The following CNTNAP5 variants were observed in gnomAD, a reference collection of about 807,000 sequenced individuals.
CNTNAP5 encodes the protein contactin-associated protein-like 5.
CNTNAP5 carries 72 observed loss-of-function variants against 150.2 expected under a neutral mutation model. The ratio of observed to expected loss-of-function variants is 0.48; its 90% CI spans 0.40 to 0.58. The LOEUF (loss-of-function observed/expected upper bound fraction) is 0.58, where lower values mean the gene tolerates loss of function less well. Ranked by LOEUF, CNTNAP5 falls within the 20% of genes least tolerant of loss-of-function variation. The probability of loss-of-function intolerance (pLI) is 0.00; values close to 1 mark genes in which losing one functional copy is unlikely to be tolerated. For synonymous variants in CNTNAP5, 672 were observed against 619.8 expected, an observed-to-expected ratio of 1.08 and a Z score of -1.25; for missense variants, 1,636 against 1,626.2, an observed-to-expected ratio of 1.01 and a Z score of -0.10.
chr2:124,889,529 A>G (rs935579491), intron 21 of CNTNAP5, among the ~76,000 whole-genome samples: 1 of 152,074 alleles, frequency 6.6e-6, no homozygotes, highest in African/African-American at 2.4e-5. Context: ...GGATTCTTAA[A>G]TATAGCATTT....
At chr2:124,087,416 C>A (rs1336279532) in intron 1 of CNTNAP5, among the ~76,000 whole-genome samples, 1 of 151,674 alleles carries the variant, frequency 6.6e-6, no homozygotes, top group African/African-American at 2.4e-5. Flanking sequence ...TTTAAAATTC[C>A]CTCTTTACAC....
chr2:124,341,521 C>A (rs1250270542), intron 3 of CNTNAP5, among the ~76,000 whole-genome samples: 1 of 152,096 alleles, frequency 6.6e-6, no homozygotes, highest in Non-Finnish European at 1.5e-5. Flanking sequence ...ATTAAACAAG[C>A]CTTCCATTTC....
In CNTNAP5 at chr2:124,654,793, G is replaced by A. The variant is rs1261171882; in HGVS notation, c.2077+6835G>A. On this transcript the variant is annotated intron_variant, in intron 13 of 23. Coordinates refer to ENST00000682447, the MANE Select transcript of CNTNAP5 (RefSeq NM_001367498.1). Reference sequence around the variant, plus strand: ...CCACCCCCCGCCTCCACAGACACACGCCTAAACATACACAAATATGTGGGT... The same window carrying A: ...CCACCCCCCGCCTCCACAGACACACACCTAAACATACACAAATATGTGGGT... Among the ~76,000 whole-genome samples, 8 of 151,386 alleles carry A rather than the reference G, an allele frequency of 5.3e-5. No individual in the cohort carries two copies. The East Asian group carries it at 1.4e-3, about 26-fold the overall frequency.
At chr2:124,455,400 A>T (rs1199673989) in intron 6 of CNTNAP5, among the ~76,000 whole-genome samples, 3 of 152,162 alleles carry the variant, frequency 2.0e-5, no homozygotes, top group African/African-American at 7.2e-5. Context: ...ATATTGAAAT[A>T]GTAATCAAAA....
At position 124,269,534 on chromosome 2, in the gene CNTNAP5, C is replaced by T. The variant is rs777248112; in HGVS notation, c.381+27141C>T. Reference sequence around the variant, plus strand: ...TTGGGACACTTTGTGCCTGCAATCGCTGGGAGAGAACAGCCATGATAAGCA... The same window carrying T: ...TTGGGACACTTTGTGCCTGCAATCGTTGGGAGAGAACAGCCATGATAAGCA... On this transcript the variant is annotated intron_variant, in intron 3 of 23. Transcript: ENST00000682447. Among the ~76,000 whole-genome samples the T allele has an allele frequency of 3.9e-4, 59 of 152,102 alleles. 1 individual carries two copies. The highest frequency in any genetic ancestry group is 4.1e-4 in the South Asian group (2 of 4,824).
At chr2:124,525,285 A>C (rs988563336) in intron 9 of CNTNAP5, among the ~76,000 whole-genome samples, 2 of 152,246 alleles carry the variant, frequency 1.3e-5, no homozygotes, top group Non-Finnish European at 2.9e-5. Flanking sequence ...AGATACTTAT[A>C]GTCCCTAAAC....
chr2:124,028,078 T>G (rs1003533135), intron 1 of CNTNAP5, among the ~76,000 whole-genome samples: 2 of 152,178 alleles, frequency 1.3e-5, no homozygotes, highest in East Asian at 3.8e-4. Flanking sequence ...AGTCACTTTA[T>G]AAAAGTTTAT....
In CNTNAP5 at chr2:124,639,317, A is replaced by T. The variant is rs547609855; in HGVS notation, c.1877-8441A>T. On this transcript the variant is annotated intron_variant, in intron 12 of 23. Coordinates refer to ENST00000682447, the MANE Select transcript of CNTNAP5 (RefSeq NM_001367498.1). ...ATCACACAATCTCATTCATCTTGTG[A>T]TGAGCTCCAGAGTAGAGATGTCAGC... 1.1e-4 allele frequency among the ~76,000 whole-genome samples: 17 copies of T among 152,306 alleles called. No homozygotes were observed. The South Asian group carries it at 3.5e-3, about 32-fold the overall frequency.
chr2:124,275,189 G>A (rs1324949924), intron 3 of CNTNAP5, among the ~76,000 whole-genome samples: 1 of 152,146 alleles, frequency 6.6e-6, no homozygotes, highest in Non-Finnish European at 1.5e-5. Context: ...TCCCTCCCAT[G>A]ACATGTGTCA....
At chr2:124,890,701 A>G (rs547848448) in intron 21 of CNTNAP5, among the ~76,000 whole-genome samples, 1 of 152,282 alleles carries the variant, frequency 6.6e-6, no homozygotes, top group East Asian at 1.9e-4. Context: ...CATATAAGGC[A>G]GAAACCCCAT....
chr2:124,826,778 C>T (rs562520813), intron 19 of CNTNAP5, among the ~76,000 whole-genome samples: 40 of 152,280 alleles, frequency 2.6e-4, no homozygotes, highest in Admixed American at 9.2e-4. Flanking sequence ...TTCTGAAACA[C>T]CCCTGAGATA....
intron 1 of CNTNAP5, among the ~76,000 whole-genome samples, chr2:124,074,196 G>A (rs1196903107): frequency 3.9e-5 from 6 of 152,036 alleles, no homozygotes; most frequent in Non-Finnish European, 5.9e-5. Context: ...GCTGGGAAGG[G>A]TAGTGGGGAT....
At chr2:124,519,066 GA>G (rs942939465) in intron 8 of CNTNAP5, among the ~76,000 whole-genome samples, 12 of 148,720 alleles carry the variant, frequency 8.1e-5, no homozygotes, top group Non-Finnish European at 1.5e-4. Context: ...TTATGCTAAG[GA>G]AAAAATGCCA....
At chr2:124,311,772 C>A (rs1016816057) in intron 3 of CNTNAP5, among the ~76,000 whole-genome samples, 1 of 152,178 alleles carries the variant, frequency 6.6e-6, no homozygotes, top group Admixed American at 6.5e-5. Flanking sequence ...TTGCTAATAG[C>A]TGTCTATATG....
In CNTNAP5 at chr2:124,798,213, C is replaced by T; in HGVS notation, c.3110C>T (p.Ser1037Phe). Reference sequence around the variant, plus strand: ...GCTATTTACACAGATTCAGCTCCATCCAAGGAAAACATTGCACTTAGCTTT... The same window carrying T: ...GCTATTTACACAGATTCAGCTCCATTCAAGGAAAACATTGCACTTAGCTTT... ...SSAIYTDSAP[S>F]KENIALSFVT... The change falls in exon 19 of 24, where the codon TCC becomes TTC. Residue 1037 changes from serine to phenylalanine, a missense_variant. Coordinates refer to ENST00000682447, the MANE Select transcript of CNTNAP5 (RefSeq NM_001367498.1). 6.2e-7 allele frequency: 1 copy of T among 1,613,836 alleles called. No individual in the cohort carries two copies. Among genetic ancestry groups the T allele is most frequent in the Non-Finnish European group, 8.5e-7 (1 of 1,179,760 alleles).
chr2:124,599,128 T>G (rs1216492827), intron 11 of CNTNAP5, among the ~76,000 whole-genome samples: 1 of 152,192 alleles, frequency 6.6e-6, no homozygotes, highest in African/African-American at 2.4e-5. Context: ...CTGGGAGCTG[T>G]AGACCGGAGC....
At chr2:124,145,890 A>G (rs947706359) in intron 1 of CNTNAP5, among the ~76,000 whole-genome samples, 1 of 151,068 alleles carries the variant, frequency 6.6e-6, no homozygotes, top group South Asian at 2.1e-4. Context: ...GTTCATGGGA[A>G]GGATTGAAAT....
intron 11 of CNTNAP5, among the ~76,000 whole-genome samples, chr2:124,583,042 T>G (rs542758105): frequency 6.6e-6 from 1 of 152,312 alleles, no homozygotes; most frequent in South Asian, 2.1e-4. Flanking sequence ...CCACATAAAC[T>G]TTTATAACTG....
At chr2:124,694,010 A>T (rs923938677) in intron 13 of CNTNAP5, among the ~76,000 whole-genome samples, 1 of 151,996 alleles carries the variant, frequency 6.6e-6, no homozygotes, top group Non-Finnish European at 1.5e-5. Context: ...CAACAATGGG[A>T]TTTCGTATAA....
Sources: gnomAD v4.1 joint callset for allele counts (sites outside exome capture counted in the v4.1 genomes callset) on GRCh38, gnomAD v4.1.1 for gene constraint, MANE v1.5 for transcripts, NCBI Gene and HGNC (gene_info 2026-07-23, HGNC 2026-07-21) for gene names.